Variants in VIPR2 observed in about 807,000 individuals in gnomAD.
The protein encoded by VIPR2 is vasoactive intestinal peptide receptor 2.
VIPR2 carries 48 observed loss-of-function variants against 58.0 expected under a neutral mutation model. The observed-to-expected ratio is 0.83, with a 90% CI of 0.66 to 1.05. VIPR2 has a LOEUF of 1.05. Among genes scored for constraint, VIPR2 ranks in the 50% least tolerant of loss-of-function variants. VIPR2 has a pLI of 0.00. For synonymous variants in VIPR2, 243 were observed against 235.2 expected, an observed-to-expected ratio of 1.03 and a Z score of -0.30; for missense variants, 534 against 558.0, an observed-to-expected ratio of 0.96 and a Z score of 0.43.
intron 6 of VIPR2, among the ~76,000 whole-genome samples, chr7:159,037,842 C>T (rs993903434): frequency 6.6e-6 from 1 of 152,024 alleles, no homozygotes; most frequent in African/African-American, 2.4e-5. Context: ...TTTTCATTTC[C>T]ATTCTTATTT....
chr7:159,043,294 GT>G (rs1467669883), intron 5 of VIPR2, 118 bp from the exon 6 acceptor site: 6 of 912,010 alleles, frequency 6.6e-6, no homozygotes, highest in Non-Finnish European at 9.1e-6. Context: ...AAATAAAAGA[GT>G]TGAGGGCATG....
chr7:159,144,716 C>G lies in VIPR2; in HGVS notation c.51+5G>C, dbSNP rs1340753893. Reference sequence around the variant, plus strand: ...CCGTGGGGCGGGGGTCGCGGGCGCACTCACGGGGGCGAGCAGCCAGCAGGT... The same window carrying G: ...CCGTGGGGCGGGGGTCGCGGGCGCAGTCACGGGGGCGAGCAGCCAGCAGGT... On this transcript the variant is annotated splice_donor_5th_base_variant and intron_variant, in intron 1 of 12. Coordinates refer to ENST00000262178, the MANE Select transcript of VIPR2 (RefSeq NM_003382.5). 5.3e-6 allele frequency: 7 copies of G among 1,328,864 alleles called. No homozygotes were observed. Among genetic ancestry groups the G allele is most frequent in the Non-Finnish European group, 6.7e-6 (7 of 1,041,056 alleles). 82.3% of individuals were successfully genotyped at this position (1,328,864 alleles called of 1,614,324 possible). A position where few individuals can be genotyped will look rare whatever the true frequency, so the allele number is the denominator to read the frequency against.
intron 4 of VIPR2, chr7:159,059,393 T>G (rs1245783511): frequency 2.1e-6 from 1 of 465,642 alleles, no homozygotes; most frequent in East Asian, 7.0e-5. Context: ...CACGTGTGCT[T>G]ATGTGATGAA....
chr7:159,052,928 A>C (rs963297236), intron 5 of VIPR2, among the ~76,000 whole-genome samples: 4 of 152,246 alleles, frequency 2.6e-5, no homozygotes, highest in African/African-American at 9.6e-5. Flanking sequence ...TCATGCTTAT[A>C]GTGAAGTATG....
intron 5 of VIPR2, among the ~76,000 whole-genome samples, chr7:159,051,463 GA>G: frequency 6.6e-6 from 1 of 152,200 alleles, no homozygotes; most frequent in East Asian, 1.9e-4. Flanking sequence ...CAATTCAAAA[GA>G]AACAAGAATA....
chr7:159,115,938 G>C (rs919803665), intron 2 of VIPR2, among the ~76,000 whole-genome samples: 1 of 142,606 alleles, frequency 7.0e-6, no homozygotes, highest in Non-Finnish European at 1.5e-5. Flanking sequence ...TAGCTAAGTA[G>C]TCAGGCAGCA....
At chr7:159,142,047 C>G (rs553483079) in intron 2 of VIPR2, among the ~76,000 whole-genome samples, 1 of 152,184 alleles carries the variant, frequency 6.6e-6, no homozygotes, top group Non-Finnish European at 1.5e-5. Flanking sequence ...TGCCAAGTAC[C>G]CACCATCCTT....
At chr7:159,116,111 G>C (rs1008384560) in intron 2 of VIPR2, among the ~76,000 whole-genome samples, 1 of 152,180 alleles carries the variant, frequency 6.6e-6, no homozygotes, top group Non-Finnish European at 1.5e-5. Context: ...TGGTCATCAC[G>C]GAAGGGCTGG....
chr7:159,068,552 T>C (rs1032996061), intron 4 of VIPR2, among the ~76,000 whole-genome samples: 2 of 152,230 alleles, frequency 1.3e-5, no homozygotes, highest in Non-Finnish European at 2.9e-5. Flanking sequence ...TCTTGTTCAA[T>C]TCTGAAGTCA....
intron 6 of VIPR2, among the ~76,000 whole-genome samples, chr7:159,039,870 A>C (rs1400165970): frequency 6.6e-6 from 1 of 152,226 alleles, no homozygotes; most frequent in African/African-American, 2.4e-5. Context: ...CTGCAGCGGC[A>C]AAAGAGAAAA....
intron 3 of VIPR2, among the ~76,000 whole-genome samples, chr7:159,106,059 G>C (rs970918881): frequency 6.6e-5 from 10 of 152,136 alleles, no homozygotes; most frequent in African/African-American, 2.2e-4. Context: ...GTGAGCGATG[G>C]GCCAAGCGCC....
rs1857592946 is a variant in VIPR2, at chr7:159,093,056, G to A, written c.357+10701C>T. 6.6e-6 allele frequency among the ~76,000 whole-genome samples: 1 copy of A among 152,148 alleles called. No homozygotes were observed. Among genetic ancestry groups the A allele is most frequent in the African/African-American group, 2.4e-5 (1 of 41,426 alleles). On this transcript the variant is annotated intron_variant, in intron 4 of 12. Transcript: ENST00000262178. The surrounding 1 kb of genome is among the most constrained non-coding windows in gnomAD (Gnocchi z 6.7). ...CAGGTGGAACAAGCCATCCACTTCT[G>A]CACTGGTGCCGTCCACTCAGAGAAC...
intron 5 of VIPR2, among the ~76,000 whole-genome samples, chr7:159,047,241 T>C (rs1262131011): frequency 6.6e-6 from 1 of 152,158 alleles, no homozygotes; most frequent in Non-Finnish European, 1.5e-5. Context: ...CGAAACTTTG[T>C]CTCAAACAAA....
At chr7:159,104,827 G>GTA (rs1439632894) in intron 3 of VIPR2, among the ~76,000 whole-genome samples, 1 of 146,800 alleles carries the variant, frequency 6.8e-6, no homozygotes, top group Non-Finnish European at 1.5e-5. Flanking sequence ...GTTCCTGACA[G>GTA]TATCCTCCCT....
chr7:159,054,519 T>G (rs760023361), intron 5 of VIPR2, among the ~76,000 whole-genome samples: 3 of 152,262 alleles, frequency 2.0e-5, no homozygotes, highest in Non-Finnish European at 4.4e-5. Context: ...AAACTCATTT[T>G]GAAATGGCAC....
intron 2 of VIPR2, among the ~76,000 whole-genome samples, chr7:159,131,446 A>T (rs1796910377): frequency 6.6e-6 from 1 of 152,150 alleles, no homozygotes; most frequent in Non-Finnish European, 1.5e-5. Context: ...TGCTTCCTTT[A>T]TCCCCTTTCT....
At chr7:159,135,003 A>ATTTTTTTTTTTT (rs1797144053) in intron 2 of VIPR2, among the ~76,000 whole-genome samples, 4 of 89,126 alleles carry the variant, frequency 4.5e-5, no homozygotes, top group South Asian at 3.6e-4. Context: ...TAATTACAAA[A>ATTTTTTTTTTTT]GTTTTTTTTT....
chr7:159,055,185 T>A (rs1209122121), intron 5 of VIPR2, among the ~76,000 whole-genome samples: 2 of 152,104 alleles, frequency 1.3e-5, no homozygotes, highest in East Asian at 3.9e-4. Context: ...CCTTGCAAAA[T>A]GCTGAGTGAA....
At chr7:159,060,926 A>G (rs1460703109) in intron 4 of VIPR2, among the ~76,000 whole-genome samples, 1 of 152,250 alleles carries the variant, frequency 6.6e-6, no homozygotes, top group East Asian at 1.9e-4. Flanking sequence ...AAATCATTCT[A>G]GCAAAAAGAC....
Sources: gnomAD v4.1 joint callset for allele counts (sites outside exome capture counted in the v4.1 genomes callset) on GRCh38, gnomAD v4.1.1 for gene constraint, Gnocchi (gnomAD v3.1) non-coding constraint, MANE v1.5 for transcripts, NCBI Gene and HGNC (gene_info 2026-07-23, HGNC 2026-07-21) for gene names.